Variants in SIK3 observed in about 807,000 individuals in gnomAD.
SIK3 encodes the protein SIK family kinase 3.
SIK3 carries 28 observed loss-of-function variants against 144.2 expected under a neutral mutation model. The observed-to-expected ratio is 0.19, with a 90% CI of 0.14 to 0.27. The LOEUF (loss-of-function observed/expected upper bound fraction) is 0.27. Among genes scored for constraint, SIK3 ranks in the 10% least tolerant of loss-of-function variants. The pLI, the probability that SIK3 is intolerant of heterozygous loss-of-function variation, is 1.00. For missense variants in SIK3, 1,319 were observed against 1,776.0 expected, an observed-to-expected ratio of 0.74 and a Z score of 4.62; for synonymous variants, 686 against 676.3, an observed-to-expected ratio of 1.01 and a Z score of -0.22.
chr11:116,885,150 T>C (rs1490657866), intron 6 of SIK3, among the ~76,000 whole-genome samples: 1 of 152,216 alleles, frequency 6.6e-6, no homozygotes, highest in African/African-American at 2.4e-5. Flanking sequence ...CTCTAAATTC[T>C]GTGAGACACT....
chr11:117,001,179 T>C (rs1036209663), intron 1 of SIK3, among the ~76,000 whole-genome samples: 1 of 152,254 alleles, frequency 6.6e-6, no homozygotes, highest in Non-Finnish European at 1.5e-5. Context: ...ATTAATGTCT[T>C]GACTAATTTC....
intron 16 of SIK3, 131 bp downstream of exon 16, chr11:116,863,536 CT>C: frequency 7.4e-7 from 1 of 1,356,654 alleles, no homozygotes; most frequent in South Asian, 1.3e-5. Context: ...GCCCAGAAAG[CT>C]ATACTTTTTT....
chr11:116,901,803 C>G (rs1945753017), intron 4 of SIK3, among the ~76,000 whole-genome samples: 1 of 152,116 alleles, frequency 6.6e-6, no homozygotes, highest in South Asian at 2.1e-4. Context: ...AATGCTCTAC[C>G]AACTAACCTG....
chr11:116,918,356 T>C (rs1946779911), intron 4 of SIK3, among the ~76,000 whole-genome samples: 4 of 151,996 alleles, frequency 2.6e-5, no homozygotes, highest in Admixed American at 2.6e-4. Context: ...AGGCAAGCTT[T>C]TGGGCTCAGG....
At chr11:117,047,589 C>T (rs1327121610) in intron 1 of SIK3, among the ~76,000 whole-genome samples, 1 of 152,198 alleles carries the variant, frequency 6.6e-6, no homozygotes, top group Non-Finnish European at 1.5e-5. Context: ...AGTTTGAGAT[C>T]ATGGTTCTAA....
chr11:116,959,422 G>C (rs1007544139), intron 1 of SIK3, among the ~76,000 whole-genome samples: 9 of 152,178 alleles, frequency 5.9e-5, no homozygotes, highest in Admixed American at 5.9e-4. Flanking sequence ...ATGTGCAAAA[G>C]GTGGGAAGAA....
intron 5 of SIK3, 34 bp from the exon 6 acceptor site, chr11:116,896,410 C>A (rs1945401761): frequency 1.2e-6 from 2 of 1,608,480 alleles, no homozygotes; most frequent in East Asian, 4.5e-5. Flanking sequence ...TACAATTAAT[C>A]ACATCAGGGG....
At chr11:116,994,268 T>C (rs779088028) in intron 1 of SIK3, among the ~76,000 whole-genome samples, 2 of 152,204 alleles carry the variant, frequency 1.3e-5, no homozygotes, top group African/African-American at 2.4e-5. Context: ...CAAACCTTTG[T>C]CCTAAGATCA....
intron 3 of SIK3, chr11:116,950,337 C>T (rs912179165): frequency 2.1e-5 from 7 of 327,844 alleles, no homozygotes; most frequent in African/African-American, 9.0e-5. Flanking sequence ...CCATTGTTTT[C>T]GAATAAACTT....
At chr11:117,077,040 T>A (rs1308240934) in intron 1 of SIK3, among the ~76,000 whole-genome samples, 1 of 152,164 alleles carries the variant, frequency 6.6e-6, no homozygotes, top group East Asian at 1.9e-4. Flanking sequence ...TCTGTAGTCC[T>A]AGCTATTCAG....
intron 1 of SIK3, among the ~76,000 whole-genome samples, chr11:117,036,334 T>C (rs926667346): frequency 1.3e-5 from 2 of 152,176 alleles, no homozygotes; most frequent in Non-Finnish European, 2.9e-5. Flanking sequence ...AATGGGCTCA[T>C]ACAAAGGTTT....
In SIK3 at chr11:116,863,695, G is replaced by A. The variant is rs769769373; in HGVS notation, c.2076C>T (p.Asn692=). ...GCTGCAGCTGTTTGATGCTGCTGTTGTTGCCCATTTTTTCCAGGTGAGCTT... is the reference window on the plus strand; with the variant it reads ...GCTGCAGCTGTTTGATGCTGCTGTTATTGCCCATTTTTTCCAGGTGAGCTT... The part of the protein sequence containing the change: ...AFKAHLEKMG[N]NSSIKQLQQE... The change falls in exon 16 of 25, where the codon AAC becomes AAT. Residue 692 remains asparagine, a synonymous_variant. Transcript: ENST00000445177. 2.5e-5 allele frequency: 40 copies of A among 1,614,036 alleles called. No individual in the cohort carries two copies. The highest frequency in any genetic ancestry group is 3.4e-6 in the Non-Finnish European group (4 of 1,180,022).
At chr11:116,870,485 A>G (rs1943910679) in intron 13 of SIK3, 84 bp from the exon 14 acceptor site, 12 of 1,576,938 alleles carry the variant, frequency 7.6e-6, no homozygotes, top group East Asian at 2.2e-5. Context: ...TTGGGGCAGG[A>G]CTTTCTGTTA....
intron 1 of SIK3, among the ~76,000 whole-genome samples, chr11:116,959,384 C>A (rs1167296953): frequency 6.6e-6 from 1 of 152,246 alleles, no homozygotes; most frequent in South Asian, 2.1e-4. Context: ...TGGATCACCT[C>A]CAATCTCAAC....
At chr11:116,876,114 T>C in intron 8 of SIK3, 105 bp from the exon 9 acceptor site, 1 of 1,533,010 alleles carries the variant, frequency 6.5e-7, no homozygotes, top group Non-Finnish European at 8.9e-7. Flanking sequence ...TCTTTCCTTC[T>C]TTCCAAGGCC....
At chr11:116,897,365 T>C (rs761277589) in intron 4 of SIK3, 48 bp from the exon 5 acceptor site, 3 of 1,553,594 alleles carry the variant, frequency 1.9e-6, no homozygotes, top group Non-Finnish European at 2.6e-6. Context: ...CCTTTTATTA[T>C]AACTGAGCAA....
At chr11:116,982,943 C>CAAAA (rs35698580) in intron 1 of SIK3, among the ~76,000 whole-genome samples, 21 of 69,854 alleles carry the variant, frequency 3.0e-4, no homozygotes, top group East Asian at 6.5e-4. Flanking sequence ...GACTCCGTCT[C>CAAAA]AAAAAAAAAA....
At chr11:116,857,090 T>C (rs905298903) in intron 21 of SIK3, 1 of 152,358 alleles carries the variant, frequency 6.6e-6, no homozygotes, top group Non-Finnish European at 1.5e-5. Context: ...ATAATGAATA[T>C]ACTCATTAAT....
intron 1 of SIK3, among the ~76,000 whole-genome samples, chr11:117,038,383 G>C (rs1952601963): frequency 6.9e-6 from 1 of 144,774 alleles, no homozygotes; most frequent in Admixed American, 7.1e-5. Context: ...TTGAGACAGA[G>C]TCTCGCTCTG....
Sources: gnomAD v4.1 joint callset for allele counts (sites outside exome capture counted in the v4.1 genomes callset) on GRCh38, gnomAD v4.1.1 for gene constraint, MANE v1.5 for transcripts, NCBI Gene and HGNC (gene_info 2026-07-23, HGNC 2026-07-21) for gene names.